The following REG1B variants were observed in gnomAD, a reference collection of about 807,000 sequenced individuals.
REG1B encodes lithostathine-1-beta.
REG1B carries 21 observed loss-of-function variants against 20.4 expected under a neutral mutation model. That is an observed-to-expected ratio of 1.03 (90% CI 0.73 to 1.48). The LOEUF is 1.48. Ranked by LOEUF, REG1B falls within the 40% of genes most tolerant of loss-of-function variation. REG1B has a pLI of 0.00. For synonymous variants in REG1B, 82 were observed against 73.4 expected (o/e 1.12, Z -0.60); for missense variants, 247 against 197.2 (o/e 1.25, Z -1.51).
chr2:79,085,065 G>A lies in REG1B; in HGVS notation c.*151C>T. On this transcript the variant is annotated 3_prime_UTR_variant, in exon 6 of 6. Coordinates refer to ENST00000305089, the MANE Select transcript of REG1B (RefSeq NM_006507.4). The stretch of plus-strand genomic sequence containing the variant: ...TTTGTTTTTATTTTTCAGGGCTCTA[G>A]AGACTGAGACAGGTGAAGGTACTGA... The A allele has an allele frequency of 1.5e-6, 1 of 645,930 alleles. No homozygotes were observed. Among genetic ancestry groups the A allele is most frequent in the Non-Finnish European group, 2.8e-6 (1 of 356,690 alleles). The allele number at this position is 645,930 out of a possible 1,614,324, so 40.0% of individuals were successfully genotyped here. A position where few individuals can be genotyped will look rare whatever the true frequency, so the allele number is the denominator to read the frequency against.
Position 79,085,259 on chromosome 2 carries a change from G to T in REG1B, c.458C>A (p.Ser153Tyr). The change falls in exon 6 of 6, where the codon TCT becomes TAT. Residue 153 changes from serine (S) to tyrosine (Y), a missense_variant. By Grantham distance (144) the Ser-to-Tyr change is moderately radical. Transcript: ENST00000305089. Reference protein sequence around the residue: ...CSGFKKWKDESCEKKFSFVCK... With the variant: ...CSGFKKWKDEYCEKKFSFVCK... ...AACAAAGGAGAACTTCTTCTCACAA[G>T]ATTCATCCTTCCATTTCTTGAATCC... 6.2e-7 allele frequency: 1 copy of T among 1,613,108 alleles called. No individual in the cohort carries two copies. The highest frequency in any genetic ancestry group is 1.1e-5 in the South Asian group (1 of 91,052).
Position 79,086,498 on chromosome 2 carries a change from A to G in REG1B, c.190T>C (p.Cys64Arg). The G allele has an allele frequency of 6.2e-7, 1 of 1,613,640 alleles. No homozygotes were observed. The highest frequency in any genetic ancestry group is 8.5e-7 in the Non-Finnish European group (1 of 1,179,960). The stretch of plus-strand genomic sequence containing the variant: ...AGGTTGCCTGAATTCATGTTCTGGC[A>G]ATAGAGCTGTTGGAGAAGAAAATGG... ...PETWVDADLY[C>R]QNMNSGNLVS... is the part of the protein sequence containing the mutation. Residue 64 changes from cysteine (C) to arginine (R), a missense_variant, in exon 4 of 6, where the codon TGC becomes CGC. By Grantham distance (180) the Cys-to-Arg change is radical. Transcript: ENST00000305089.
At chr2:79,087,330 C>A (rs1400918296) in intron 2 of REG1B, 2 of 579,456 alleles carry the variant, frequency 3.5e-6, no homozygotes, top group Non-Finnish European at 6.2e-6. Flanking sequence ...ATAAACTCAA[C>A]CACAATGGTC....
At chr2:79,087,088 T>C in intron 2 of REG1B, 158 bp from the exon 3 acceptor site, 1 of 635,938 alleles carries the variant, frequency 1.6e-6, no homozygotes, top group Non-Finnish European at 2.8e-6. Flanking sequence ...TCCTATCTCT[T>C]TTCTCTCTAG....
chr2:79,085,415 A>G (rs766741535), intron 5 of REG1B, 77 bp downstream of exon 5: 2 of 1,392,958 alleles, frequency 1.4e-6, no homozygotes, highest in East Asian at 2.3e-5. Context: ...CCTTTCCTCT[A>G]TCCCAGTCCC....
In REG1B at chr2:79,085,230, T is replaced by G. The variant is rs1474465410; in HGVS notation, c.487A>C (p.Lys163Gln). Residue 163 changes from lysine (K) to glutamine (Q), a missense_variant, in exon 6 of 6, where the codon AAG becomes CAG. Physicochemically the swap from Lys to Gln is moderately conservative, Grantham distance 53 (BLOSUM62 1). Coordinates refer to ENST00000305089, the MANE Select transcript of REG1B (RefSeq NM_006507.4). ...TTCAGCTTCCTCTAGTTTTTGAACT[T>G]GCAAACAAAGGAGAACTTCTTCTCA... The part of the protein sequence containing the change: ...SCEKKFSFVC[K>Q]FKN 2 of 1,613,162 alleles carry G rather than the reference T, an allele frequency of 1.2e-6. No homozygotes were observed. Among genetic ancestry groups the G allele is most frequent in the Non-Finnish European group, 1.7e-6 (2 of 1,179,284 alleles).
At chr2:79,087,762 T>A (rs1672422006) in intron 1 of REG1B, 104 bp from the exon 2 acceptor site, 2 of 664,342 alleles carry the variant, frequency 3.0e-6, no homozygotes, top group Non-Finnish European at 4.9e-6. Flanking sequence ...AAAGGTCCAC[T>A]GAGATAGCTA....
intron 2 of REG1B, 125 bp downstream of exon 2, chr2:79,087,424 T>A: frequency 1.1e-6 from 1 of 897,304 alleles, no homozygotes; most frequent in Non-Finnish European, 1.7e-6. Context: ...TCAGCCATAA[T>A]GATCACTGAA....
In REG1B at chr2:79,085,513, C is replaced by G. The variant is rs1374593105; in HGVS notation, c.412G>C (p.Ala138Pro). The G allele has an allele frequency of 6.2e-7, 1 of 1,613,692 alleles. No homozygotes were observed. Among genetic ancestry groups the G allele is most frequent in the Admixed American group, 1.7e-5 (1 of 59,972 alleles). ...TCACCTGAGCATGAAGTCAGGCTTG[C>G]ACAGTAGCCAGCATTAGCACTGCTC... Reference protein sequence around the residue: ...SPSSANAGYCASLTSCSGFKK... With the variant: ...SPSSANAGYCPSLTSCSGFKK... Residue 138 changes from alanine to proline, a missense_variant, in exon 5 of 6, where the codon GCA (alanine) becomes CCA (proline). Transcript: ENST00000305089.
chr2:79,085,214 C>T lies in REG1B; in HGVS notation c.*2G>A. 6.2e-7 allele frequency: 1 copy of T among 1,610,812 alleles called. No individual in the cohort carries two copies. The highest frequency in any genetic ancestry group is 1.7e-4 in the Middle Eastern group (1 of 6,054). Reference sequence around the variant, plus strand: ...TTCTAGACATCCATTTTTCAGCTTCCTCTAGTTTTTGAACTTGCAAACAAA... The same window carrying T: ...TTCTAGACATCCATTTTTCAGCTTCTTCTAGTTTTTGAACTTGCAAACAAA... On this transcript the variant is annotated 3_prime_UTR_variant, in exon 6 of 6. Transcript: ENST00000305089.
chr2:79,085,690 C>A, intron 4 of REG1B, 87 bp from the exon 5 acceptor site: 1 of 722,400 alleles, frequency 1.4e-6, no homozygotes, highest in Non-Finnish European at 2.4e-6. Flanking sequence ...AGAAACAGGC[C>A]AAGTTATAGC....
chr2:79,085,451 G>A, intron 5 of REG1B, 41 bp downstream of exon 5: 1 of 1,519,494 alleles, frequency 6.6e-7, no homozygotes, highest in Non-Finnish European at 9.1e-7. Flanking sequence ...AGATAAGTGG[G>A]AAGGAAATGG....
In REG1B at chr2:79,085,493, TG is replaced by T. The variant is rs984214611; in HGVS notation, c.431del (p.Ser144Ter). 1.9e-6 allele frequency: 3 copies of T among 1,611,750 alleles called. No individual in the cohort carries two copies. Among genetic ancestry groups the T allele is most frequent in the Non-Finnish European group, 2.5e-6 (3 of 1,177,986 alleles). On this transcript the variant is annotated frameshift_variant and splice_region_variant, in exon 5 of 6. Coordinates refer to ENST00000305089, the MANE Select transcript of REG1B (RefSeq NM_006507.4). LOFTEE classifies it low-confidence loss of function (END_TRUNC). Reference protein sequence around the residue: ...AGYCASLTSCSGFKKWKDESC... With the variant: ...AGYCASLTSCXGFKKWKDESC... ...GTGGATAGATTGTCTGCCTCTCACC[TG>T]AGCATGAAGTCAGGCTTGCACAGTA...
rs1178603310 is a variant in REG1B at position 79,086,348 on chromosome 2, G to C, written c.321+19C>G. The C allele has an allele frequency of 1.9e-6, 3 of 1,613,774 alleles. No homozygotes were observed. The highest frequency in any genetic ancestry group is 1.7e-5 in the Admixed American group (1 of 59,972). ...TCTCAAAAATGTTTATAAGGAGATAGAGGTGGCTGCAGACTGACCTTTTTT... is the reference window on the plus strand; with the variant it reads ...TCTCAAAAATGTTTATAAGGAGATACAGGTGGCTGCAGACTGACCTTTTTT... On this transcript the variant is annotated intron_variant, in intron 4 of 5. Transcript: ENST00000305089.
intron 1 of REG1B, 94 bp downstream of exon 1, chr2:79,087,865 G>A: frequency 2.5e-6 from 1 of 397,596 alleles, no homozygotes; most frequent in Non-Finnish European, 4.5e-6. Context: ...TTACTACTGG[G>A]ATCTTTTATT....
intron 4 of REG1B, chr2:79,085,884 A>C: frequency 3.5e-6 from 1 of 288,298 alleles, no homozygotes; most frequent in Non-Finnish European, 6.6e-6. Context: ...TTTTTTCCTG[A>C]ATCTCAGAAC....
intron 1 of REG1B, 46 bp downstream of exon 1, chr2:79,087,913 G>T: frequency 2.0e-5 from 6 of 298,348 alleles, no homozygotes; most frequent in Non-Finnish European, 3.7e-5. Context: ...AATGAAAAGA[G>T]AAAATCCCAC....
intron 4 of REG1B, chr2:79,085,814 A>G: frequency 2.5e-6 from 1 of 397,102 alleles, no homozygotes; most frequent in East Asian, 4.7e-5. Context: ...AGCAAATAAT[A>G]AGTGTTCAGA....
At chr2:79,087,859 T>C (rs1208855964) in intron 1 of REG1B, 100 bp downstream of exon 1, 2 of 415,802 alleles carry the variant, frequency 4.8e-6, no homozygotes, top group Non-Finnish European at 8.5e-6. Context: ...GTTTCATTAC[T>C]ACTGGGATCT....
Sources: allele counts gnomAD v4.1 joint callset, GRCh38; gene constraint gnomAD v4.1.1; transcripts MANE v1.5; gene names NCBI Gene and HGNC (gene_info 2026-07-23, HGNC 2026-07-21).